Variants in ERC1 observed in about 807,000 individuals in gnomAD.
ERC1 encodes the protein RAB6 interacting protein 2.
A neutral mutation model predicts 132.0 loss-of-function variants in ERC1; 56 were observed. That is an observed-to-expected ratio of 0.42 (90% CI 0.34 to 0.53). The LOEUF (loss-of-function observed/expected upper bound fraction) is 0.53. Ranked by LOEUF, ERC1 falls within the 20% of genes least tolerant of loss-of-function variation. The pLI, the probability that ERC1 is intolerant of heterozygous loss-of-function variation, is 0.03. For synonymous variants in ERC1, 478 were observed against 476.1 expected (o/e 1.00, Z -0.05); for missense variants, 1,202 against 1,349.9 (o/e 0.89, Z 1.72).
rs374360052 is a variant in ERC1, at chr12:1,176,283, G to A, written c.1738-4257G>A. On this transcript the variant is annotated intron_variant, in intron 8 of 18. Transcript: ENST00000360905. The stretch of plus-strand genomic sequence containing the variant: ...TATCAGAGCTCTAGGGTGACCAGAT[G>A]CATTGTCAGTGAGCAGTAATATTTT... Among the ~76,000 whole-genome samples the A allele has an allele frequency of 3.9e-5, 6 of 152,212 alleles. No individual in the cohort carries two copies. The East Asian group carries it at 7.7e-4, about 20-fold the overall frequency.
At chr12:1,025,794 G>GTTTTTTT (rs1172351394) in intron 1 of ERC1, among the ~76,000 whole-genome samples, 20 of 127,594 alleles carry the variant, frequency 1.6e-4, no homozygotes, top group African/African-American at 3.0e-4. Context: ...AAAAAGGAAA[G>GTTTTTTT]TTTTTTTTTT....
chr12:1,447,177 A>G (rs1464885793), intron 18 of ERC1, among the ~76,000 whole-genome samples: 3 of 152,142 alleles, frequency 2.0e-5, no homozygotes, highest in Non-Finnish European at 4.4e-5. Flanking sequence ...ATGGCTATTC[A>G]TTTTAGAGAC....
intron 2 of ERC1, among the ~76,000 whole-genome samples, chr12:1,066,777 C>G (rs940007297): frequency 6.9e-6 from 1 of 144,104 alleles, no homozygotes. Context: ...GTGGAAGTTG[C>G]AGTGAGCTGA....
Position 1,196,597 on chromosome 12 carries a change from G to A in ERC1, c.2351+6545G>A, listed in dbSNP as rs190616513. Among the ~76,000 whole-genome samples, 338 of 150,858 alleles carry A rather than the reference G, an allele frequency of 2.2e-3. 4 individuals are homozygous for A. Among genetic ancestry groups the A allele is most frequent in the Admixed American group, 0.02 (296 of 15,088 alleles). On this transcript the variant is annotated intron_variant, in intron 12 of 18. Transcript: ENST00000360905. ...TAGCCTAGACCTCCCAGCCTCAAGC[G>A]ATCCTCCCACCTCCGTGTCTTGAGT...
chr12:1,288,892 A>G (rs1474970591), intron 14 of ERC1, among the ~76,000 whole-genome samples: 2 of 152,132 alleles, frequency 1.3e-5, no homozygotes, highest in African/African-American at 4.8e-5. Flanking sequence ...TTTGGTAGCC[A>G]CCTGGAATAA....
At chr12:1,459,288 AAAG>A (rs1194340132) in intron 18 of ERC1, among the ~76,000 whole-genome samples, 7 of 152,186 alleles carry the variant, frequency 4.6e-5, no homozygotes, top group Non-Finnish European at 1.0e-4. Context: ...TTTTTTTAAA[AAAG>A]AAATCTCTGA....
At chr12:1,293,853 A>AT (rs549015432) in intron 15 of ERC1, among the ~76,000 whole-genome samples, 53 of 152,098 alleles carry the variant, frequency 3.5e-4, no homozygotes, top group African/African-American at 8.4e-4. Flanking sequence ...ACCAAAAGCC[A>AT]TTTTTTTTAA....
chr12:1,346,439 G>A (rs2084460466), intron 15 of ERC1, among the ~76,000 whole-genome samples: 1 of 152,070 alleles, frequency 6.6e-6, no homozygotes, highest in Non-Finnish European at 1.5e-5. Flanking sequence ...CTTCTGAATT[G>A]CTTCTGGGCT....
chr12:1,025,084 G>A (rs1200128483), intron 1 of ERC1, among the ~76,000 whole-genome samples: 1 of 152,060 alleles, frequency 6.6e-6, no homozygotes, highest in Non-Finnish European at 1.5e-5. Flanking sequence ...GGGCAGTCTT[G>A]GATATCTGGA....
At position 1,219,842 on chromosome 12, in the gene ERC1, G is replaced by T. The variant is rs1186907612; in HGVS notation, c.2352-16927G>T. ...TGTAGAGACAGGGTTTTGCCAAAGA[G>T]CAGGGAGTACAGGCATGAGCCACCG... On this transcript the variant is annotated intron_variant, in intron 12 of 18. Coordinates refer to ENST00000360905, the MANE Select transcript of ERC1 (RefSeq NM_178040.4). Among the ~76,000 whole-genome samples the T allele has an allele frequency of 4.6e-5, 7 of 152,184 alleles. No individual in the cohort carries two copies. The East Asian group carries it at 1.2e-3, about 25-fold the overall frequency.
chr12:1,239,483 G>A (rs1219158620), intron 13 of ERC1, among the ~76,000 whole-genome samples: 2 of 152,096 alleles, frequency 1.3e-5, no homozygotes, highest in South Asian at 2.1e-4. Context: ...CTAGCGACTC[G>A]GGAGGTGAGA....
intron 13 of ERC1, among the ~76,000 whole-genome samples, chr12:1,257,556 A>G (rs769599421): frequency 4.5e-4 from 69 of 152,132 alleles, no homozygotes; most frequent in Non-Finnish European, 7.6e-4. Context: ...TTTTATTCAT[A>G]TTATCACCAT....
chr12:1,015,093 C>G (rs978930308), intron 1 of ERC1, among the ~76,000 whole-genome samples: 40 of 139,042 alleles, frequency 2.9e-4, no homozygotes, highest in African/African-American at 9.9e-4. Flanking sequence ...TTTTTTGAGA[C>G]AGTCTTGCTC....
intron 18 of ERC1, among the ~76,000 whole-genome samples, chr12:1,452,169 C>T (rs578241783): frequency 6.6e-6 from 1 of 152,072 alleles, no homozygotes; most frequent in Admixed American, 6.5e-5. Flanking sequence ...GTTCTCTGGG[C>T]ACAGATTTCT....
intron 17 of ERC1, among the ~76,000 whole-genome samples, chr12:1,411,793 G>A (rs1255704534): frequency 1.3e-5 from 2 of 152,128 alleles, no homozygotes; most frequent in African/African-American, 2.4e-5. Context: ...CACCACATAT[G>A]TGGACATGAT....
intron 17 of ERC1, among the ~76,000 whole-genome samples, chr12:1,437,027 A>G (rs11061755): frequency 0.098 from 14,913 of 152,114 alleles, 2,433 homozygotes; most frequent in African/African-American, 0.34. Flanking sequence ...CTAAAACACA[A>G]TGAGTGATTT....
At chr12:1,148,133 T>C (rs896917658) in intron 8 of ERC1, among the ~76,000 whole-genome samples, 2 of 152,140 alleles carry the variant, frequency 1.3e-5, no homozygotes, top group African/African-American at 2.4e-5. Context: ...AATTCAAAGG[T>C]TGTTTGGAAG....
intron 17 of ERC1, chr12:1,410,453 G>A (rs1385230872): frequency 4.6e-6 from 6 of 1,296,664 alleles, no homozygotes; most frequent in African/African-American, 1.5e-5. Context: ...TGTTCAGAAC[G>A]GTGAGAAACA....
rs2082406144 is a variant in ERC1, at chr12:1,325,787, A to G, written c.2780+35775A>G. ...GTTTTGACTCATTTCTTTCATGAGTATAGTTTCTCTTTTCTCTTTTATAAT... is the reference window on the plus strand; with the variant it reads ...GTTTTGACTCATTTCTTTCATGAGTGTAGTTTCTCTTTTCTCTTTTATAAT... On this transcript the variant is annotated intron_variant, in intron 15 of 18. Transcript: ENST00000360905. Among the ~76,000 whole-genome samples the G allele has an allele frequency of 2.0e-5, 3 of 152,164 alleles. No individual in the cohort carries two copies. The South Asian group carries it at 6.2e-4, about 31-fold the overall frequency.
Sources: gnomAD v4.1 joint callset for allele counts (sites outside exome capture counted in the v4.1 genomes callset) on GRCh38, gnomAD v4.1.1 for gene constraint, MANE v1.5 for transcripts, NCBI Gene and HGNC (gene_info 2026-07-23, HGNC 2026-07-21) for gene names.